Variants in BBX observed in about 807,000 individuals in gnomAD.
BBX encodes BBX high mobility group box domain containing, also known as HMG box transcription factor BBX.
In BBX, 30 loss-of-function variants were observed where a neutral mutation model predicts 100.2. The observed-to-expected ratio is 0.30, with a 90% CI of 0.22 to 0.41. The LOEUF (loss-of-function observed/expected upper bound fraction) is 0.41, where lower values mean the gene tolerates loss of function less well. Among genes scored for constraint, BBX ranks in the 10% least tolerant of loss-of-function variants. The pLI, the probability that BBX is intolerant of heterozygous loss-of-function variation, is 1.00. For synonymous variants in BBX, 376 were observed against 388.1 expected, an observed-to-expected ratio of 0.97 and a Z score of 0.37; for missense variants, 1,023 against 1,129.8, an observed-to-expected ratio of 0.91 and a Z score of 1.35.
At chr3:107,603,154 C>T (rs1424928408) in intron 2 of BBX, among the ~76,000 whole-genome samples, 4 of 151,386 alleles carry the variant, frequency 2.6e-5, no homozygotes, top group African/African-American at 7.3e-5. Flanking sequence ...TTAGTAGAGA[C>T]GGGGTTTCAC....
At chr3:107,805,274 A>C in intron 17 of BBX, 96 bp from the exon 18 acceptor site, 2 of 1,330,148 alleles carry the variant, frequency 1.5e-6, no homozygotes, top group East Asian at 2.4e-5. Flanking sequence ...AGTAACTGTT[A>C]AACAAGATAT....
At chr3:107,663,904 C>A (rs1399497372) in intron 3 of BBX, among the ~76,000 whole-genome samples, 1 of 151,124 alleles carries the variant, frequency 6.6e-6, no homozygotes, top group Non-Finnish European at 1.5e-5. Flanking sequence ...CTCCCGGGTT[C>A]ACGCCATCCT....
chr3:107,721,967 T>C (rs1420895154), intron 5 of BBX, among the ~76,000 whole-genome samples: 1 of 151,978 alleles, frequency 6.6e-6, no homozygotes. Context: ...TACTTCTCTA[T>C]CTAAATGATT....
At chr3:107,780,915 A>G (rs949804583) in intron 13 of BBX, among the ~76,000 whole-genome samples, 1 of 152,014 alleles carries the variant, frequency 6.6e-6, no homozygotes, top group African/African-American at 2.4e-5. Context: ...TGAGATCATT[A>G]GTTCATTAAT....
rs144738690 is a variant in BBX, at chr3:107,636,005, C to T, written c.-83-9831C>T. 2.1e-3 allele frequency among the ~76,000 whole-genome samples: 324 copies of T among 152,246 alleles called. 2 individuals carry two copies. The highest frequency in any genetic ancestry group is 6.8e-3 in the Middle Eastern group (2 of 294). On this transcript the variant is annotated intron_variant, in intron 2 of 17. Transcript: ENST00000325805. ...GACTACAGGCGTTAGCCACCGTGCC[C>T]GGAGTACTTTTATTTCAACAAAACT...
chr3:107,603,007 A>T (rs923341395), intron 2 of BBX, among the ~76,000 whole-genome samples: 21 of 152,208 alleles, frequency 1.4e-4, no homozygotes, highest in Non-Finnish European at 2.6e-4. Context: ...TCTGTCATTC[A>T]GGCTGGAGTG....
At chr3:107,661,857 C>CAGT in intron 3 of BBX, 1 of 985,218 alleles carries the variant, frequency 1.0e-6, no homozygotes, top group Non-Finnish European at 1.2e-6. Flanking sequence ...AAGCCTCTAG[C>CAGT]AGTACCTGGT....
At chr3:107,655,239 A>G (rs2058063810) in intron 3 of BBX, among the ~76,000 whole-genome samples, 1 of 152,168 alleles carries the variant, frequency 6.6e-6, no homozygotes, top group African/African-American at 2.4e-5. Flanking sequence ...CCAATTTTGC[A>G]ATTTTAGTAA....
chr3:107,577,953 A>T (rs930147448), intron 2 of BBX, among the ~76,000 whole-genome samples: 2 of 152,192 alleles, frequency 1.3e-5, no homozygotes, highest in African/African-American at 4.8e-5. Flanking sequence ...AGTAGGGGGA[A>T]AAAAACCCTT....
intron 8 of BBX, among the ~76,000 whole-genome samples, chr3:107,745,364 A>T (rs955607553): frequency 6.6e-6 from 1 of 152,152 alleles, no homozygotes; most frequent in South Asian, 2.1e-4. Flanking sequence ...TCTTTCCTTG[A>T]TCATTTGAAT....
At chr3:107,733,088 G>A in intron 7 of BBX, 65 bp downstream of exon 7, 1 of 1,382,956 alleles carries the variant, frequency 7.2e-7, no homozygotes. Flanking sequence ...GTTATAGTCT[G>A]TTTACGTTGT....
intron 12 of BBX, among the ~76,000 whole-genome samples, chr3:107,777,257 G>A (rs980269310): frequency 2.0e-5 from 3 of 152,104 alleles, no homozygotes; most frequent in Non-Finnish European, 4.4e-5. Flanking sequence ...GGGACTTGGA[G>A]TATATCCCCC....
At chr3:107,704,952 G>A (rs1169593659) in intron 3 of BBX, among the ~76,000 whole-genome samples, 1 of 152,146 alleles carries the variant, frequency 6.6e-6, no homozygotes, top group Admixed American at 6.5e-5. Context: ...GAGAAAATGG[G>A]AGACTTTTAA....
At chr3:107,572,751 C>T (rs1364404671) in intron 2 of BBX, among the ~76,000 whole-genome samples, 4 of 152,086 alleles carry the variant, frequency 2.6e-5, no homozygotes, top group African/African-American at 9.7e-5. Context: ...TGATTTACCT[C>T]TATTGTTGTA....
intron 3 of BBX, among the ~76,000 whole-genome samples, chr3:107,673,834 A>G (rs1259774885): frequency 6.6e-6 from 1 of 152,196 alleles, no homozygotes; most frequent in Non-Finnish European, 1.5e-5. Flanking sequence ...ACATTTCTTC[A>G]TGTATAAACA....
intron 2 of BBX, among the ~76,000 whole-genome samples, chr3:107,566,971 G>C (rs1054336336): frequency 6.6e-6 from 1 of 152,106 alleles, no homozygotes; most frequent in African/African-American, 2.4e-5. Flanking sequence ...TTCTCAGGTA[G>C]TGTAGTGATT....
intron 13 of BBX, among the ~76,000 whole-genome samples, chr3:107,786,819 G>A (rs528031151): frequency 2.4e-4 from 36 of 152,068 alleles, no homozygotes; most frequent in Non-Finnish European, 4.6e-4. Flanking sequence ...AATCTTCTGC[G>A]CTTCAAAGAA....
intron 3 of BBX, among the ~76,000 whole-genome samples, chr3:107,663,832 G>A (rs1052984287): frequency 6.2e-5 from 9 of 146,054 alleles, no homozygotes; most frequent in African/African-American, 2.0e-4. Context: ...TTGAGATGGA[G>A]CCTCACGCTC....
intron 3 of BBX, among the ~76,000 whole-genome samples, chr3:107,698,082 C>G (rs1257211827): frequency 6.6e-6 from 1 of 151,704 alleles, no homozygotes; most frequent in Admixed American, 6.5e-5. Context: ...ACCCACTGAC[C>G]TGCGCCCACT....
Sources: allele counts gnomAD v4.1 joint callset (sites outside exome capture counted in the v4.1 genomes callset), GRCh38; gene constraint gnomAD v4.1.1; transcripts MANE v1.5; gene names NCBI Gene and HGNC (gene_info 2026-07-23, HGNC 2026-07-21).